The following DUSP13B variants were observed in gnomAD, a reference collection of about 807,000 sequenced individuals.
DUSP13B encodes the protein dual specificity phosphatase 13B, also known as dual specificity protein phosphatase 13B.
At chr10:75,106,371 A>G in the DUSP13B span, among the ~76,000 whole-genome samples, 2 of 151,706 alleles carry the variant, frequency 1.3e-5, no homozygotes, top group Admixed American at 1.3e-4. Flanking sequence ...TCTGACCTCC[A>G]GCCTTACCAC....
the DUSP13B span, chr10:75,101,933 C>T: frequency 1.0e-5 from 14 of 1,367,702 alleles, no homozygotes; most frequent in Middle Eastern, 2.1e-4. Flanking sequence ...GGCTTTCAGC[C>T]GCCTGTCTCC....
the DUSP13B span, chr10:75,097,606 C>A: frequency 5.6e-6 from 6 of 1,080,578 alleles, no homozygotes; most frequent in South Asian, 1.0e-4. Flanking sequence ...GGGAGGCAAG[C>A]GTGCCACCTC....
the DUSP13B span, chr10:75,105,685 C>A: frequency 6.5e-7 from 1 of 1,549,454 alleles, no homozygotes; most frequent in Non-Finnish European, 8.7e-7. Flanking sequence ...CTGGCCGGCA[C>A]CCCGCAGTTG....
the DUSP13B span, chr10:75,104,050 C>T: frequency 7.3e-7 from 1 of 1,362,818 alleles, no homozygotes; most frequent in Non-Finnish European, 9.8e-7. Context: ...GGATCAGTGC[C>T]AGGGTGGCAA....
At chr10:75,098,916 C>T in the DUSP13B span, 16 of 1,182,468 alleles carry the variant, frequency 1.4e-5, no homozygotes, top group South Asian at 6.2e-4. Flanking sequence ...CCAAGCCTTT[C>T]AGTTACCATC....
At chr10:75,101,706 C>T in the DUSP13B span, among the ~76,000 whole-genome samples, 1 of 152,180 alleles carries the variant, frequency 6.6e-6, no homozygotes, top group Non-Finnish European at 1.5e-5. Flanking sequence ...GTCTCTCTGA[C>T]TCTACTATAC....
chr10:75,101,468 T>C, the DUSP13B span, among the ~76,000 whole-genome samples: 1 of 152,246 alleles, frequency 6.6e-6, no homozygotes, highest in Non-Finnish European at 1.5e-5. Context: ...TTGATATTTC[T>C]TTCTCTGTCC....
At chr10:75,097,941 A>G in the DUSP13B span, 8 of 1,478,492 alleles carry the variant, frequency 5.4e-6, no homozygotes, top group African/African-American at 8.5e-5. Flanking sequence ...GGGTGGATCC[A>G]GCTGATGGGG....
chr10:75,107,994 C>T, the DUSP13B span: 2 of 1,611,094 alleles, frequency 1.2e-6, no homozygotes, highest in South Asian at 1.1e-5. Context: ...AGTCCTACCC[C>T]CAGGCGTGTT....
chr10:75,095,006 G>C, the DUSP13B span: 33 of 865,534 alleles, frequency 3.8e-5, no homozygotes, highest in South Asian at 4.9e-4. Flanking sequence ...CTGTCAAATG[G>C]GGCAACTGAA....
chr10:75,097,872 G>A, the DUSP13B span: 1 of 1,607,460 alleles, frequency 6.2e-7, no homozygotes, highest in Non-Finnish European at 8.5e-7. Context: ...TCCTGCTTCT[G>A]CAGTGAGTCC....
chr10:75,103,992 C>T, the DUSP13B span: 2 of 1,352,982 alleles, frequency 1.5e-6, no homozygotes, highest in Admixed American at 4.0e-5. Flanking sequence ...TGGGCTTCCA[C>T]CATCTTCTGT....
the DUSP13B span, among the ~76,000 whole-genome samples, chr10:75,106,333 C>T: frequency 6.6e-6 from 1 of 151,952 alleles, no homozygotes; most frequent in Admixed American, 6.6e-5. Context: ...CATGGAGGAA[C>T]TTGCAGTTCC....
chr10:75,106,556 C>A, the DUSP13B span, among the ~76,000 whole-genome samples: 4 of 152,156 alleles, frequency 2.6e-5, no homozygotes, highest in South Asian at 8.3e-4. Flanking sequence ...CCCATGGATA[C>A]CTTTGTAGAG....
the DUSP13B span, among the ~76,000 whole-genome samples, chr10:75,095,963 C>T: frequency 0.091 from 13,926 of 152,214 alleles, 805 homozygotes; most frequent in East Asian, 0.21. Context: ...GAGTTTAAGA[C>T]TCCTTTTCGG....
At chr10:75,101,114 C>T in the DUSP13B span, among the ~76,000 whole-genome samples, 1 of 152,122 alleles carries the variant, frequency 6.6e-6, no homozygotes, top group African/African-American at 2.4e-5. Flanking sequence ...AGAAGGGTGG[C>T]GTGTGGCTGC....
the DUSP13B span, among the ~76,000 whole-genome samples, chr10:75,099,897 G>A: frequency 1.3e-5 from 2 of 152,174 alleles, no homozygotes; most frequent in Non-Finnish European, 1.5e-5. Context: ...GGTCTGACCC[G>A]AGAATGAGAG....
the DUSP13B span, among the ~76,000 whole-genome samples, chr10:75,097,463 G>A: frequency 6.6e-6 from 1 of 152,222 alleles, no homozygotes; most frequent in African/African-American, 2.4e-5. Context: ...ACCTGTCTTG[G>A]CCTCCCAAAG....
the DUSP13B span, chr10:75,094,522 C>T: frequency 2.8e-5 from 21 of 760,570 alleles, no homozygotes; most frequent in African/African-American, 1.4e-4. Context: ...GAAATCCACC[C>T]GCTAAGAGGT....
Sources: allele counts gnomAD v4.1 joint callset (sites outside exome capture counted in the v4.1 genomes callset), GRCh38; gene constraint gnomAD v4.1.1; transcripts MANE v1.5; gene names NCBI Gene and HGNC (gene_info 2026-07-23, HGNC 2026-07-21).